CDC25B: variants seen among roughly 807,000 people sequenced by gnomAD.
CDC25B encodes the protein cell division cycle 25B, also known as M-phase inducer phosphatase 2.
Under a neutral mutation model 69.8 loss-of-function variants are expected in CDC25B, and 33 were observed. That is an observed-to-expected ratio of 0.47 (90% confidence interval 0.36 to 0.63). CDC25B has a LOEUF of 0.63. CDC25B is among the 30% of genes least tolerant of loss of function. CDC25B has a pLI of 0.00. For missense variants in CDC25B, 727 were observed against 809.1 expected, an observed-to-expected ratio of 0.90 and a Z score of 1.23; for synonymous variants, 341 against 314.6, an observed-to-expected ratio of 1.08 and a Z score of -0.89.
chr20:3,791,090 G>C (rs2088907887), intron 1 of CDC25B, among the ~76,000 whole-genome samples: 1 of 152,120 alleles, frequency 6.6e-6, no homozygotes, highest in African/African-American at 2.4e-5. Flanking sequence ...TACCAAGCAG[G>C]CATCCCCACC....
At chr20:3,792,529 A>G (rs2088932436), upstream of CDC25B, among the ~76,000 whole-genome samples, 1 of 151,942 alleles carries the variant, frequency 6.6e-6, no homozygotes, top group Admixed American at 6.6e-5. Flanking sequence ...GTGCAATGGC[A>G]TGATCTAGGC....
intron 7 of CDC25B, 30 bp downstream of exon 7, chr20:3,801,123 G>A (rs2089267798): frequency 6.2e-7 from 1 of 1,611,256 alleles, no homozygotes; most frequent in African/African-American, 1.3e-5. Flanking sequence ...CCCTGGGAGG[G>A]GCCTGGGGAG....
intron 1 of CDC25B, among the ~76,000 whole-genome samples, chr20:3,791,110 G>A (rs2088908631): frequency 2.0e-5 from 3 of 152,150 alleles, no homozygotes; most frequent in African/African-American, 7.2e-5. Context: ...CTGACTGCCC[G>A]TTCTCCTTAA....
intron 1 of CDC25B, 22 bp from the exon 2 acceptor site, chr20:3,797,600 C>T (rs747545009): frequency 3.1e-6 from 5 of 1,613,432 alleles, no homozygotes; most frequent in East Asian, 2.2e-5. Flanking sequence ...TCTCCTTTCC[C>T]GGGTCCCTGT....
In CDC25B at chr20:3,803,013, G is replaced by C; in HGVS notation, c.1257+41G>C. 6.2e-7 allele frequency: 1 copy of C among 1,603,088 alleles called. No individual in the cohort carries two copies. The highest frequency in any genetic ancestry group is 1.3e-5 in the African/African-American group (1 of 74,806). On this transcript the variant is annotated intron_variant, in intron 12 of 15. Coordinates refer to ENST00000245960, the MANE Select transcript of CDC25B (RefSeq NM_021873.4). The surrounding 1 kb of genome is among the most constrained non-coding windows in gnomAD (Gnocchi z 4.9). ...TCATTTTCTAGGCAGATTTGGGACT[G>C]TAGCTCCATTGTTGACCTTCCCTGG...
intron 1 of CDC25B, 86 bp from the exon 2 acceptor site, chr20:3,797,536 C>A: frequency 2.0e-6 from 3 of 1,523,380 alleles, no homozygotes; most frequent in Non-Finnish European, 2.7e-6. Context: ...GTTCTTTTCT[C>A]AGCAAGGGAG....
rs1012481606 is a variant in CDC25B, at chr20:3,802,166, T to C, written c.1098+66T>C. 9 of 1,542,426 alleles carry C rather than the reference T, an allele frequency of 5.8e-6. No homozygotes were observed. The African/African-American group carries it at 1.1e-4, about 19-fold the overall frequency. On this transcript the variant is annotated intron_variant, in intron 10 of 15. Coordinates refer to ENST00000245960, the MANE Select transcript of CDC25B (RefSeq NM_021873.4). ...GGGCAGCCACCCCCTTGGCTAAGTT[T>C]GTGGCAGAGGGCAGGTGGCAGCCTG... is the stretch of plus-strand genomic sequence containing the variant.
In CDC25B at chr20:3,804,615, A is replaced by T. The variant is rs1429736603; in HGVS notation, c.1537A>T (p.Ser513Cys). Residue 513 changes from serine (S) to cysteine (C), a missense_variant, in exon 15 of 16, where the codon AGC (serine) becomes TGC (cysteine). Coordinates refer to ENST00000245960, the MANE Select transcript of CDC25B (RefSeq NM_021873.4). ...ERDRAVNDYP[S>C]LYYPEMYILK... ...AGACCGTGCTGTCAACGACTACCCC[A>T]GCCTCTACTACCCTGAGATGTATAT... The T allele has an allele frequency of 6.2e-7, 1 of 1,613,986 alleles. No individual in the cohort carries two copies. Among genetic ancestry groups the T allele is most frequent in the Non-Finnish European group, 8.5e-7 (1 of 1,179,958 alleles).
chr20:3,788,801 C>T (rs2088867288), intron 1 of CDC25B, among the ~76,000 whole-genome samples: 1 of 150,764 alleles, frequency 6.6e-6, no homozygotes, highest in Non-Finnish European at 1.5e-5. Flanking sequence ...TCCTTCCTTT[C>T]CTTCTTTCTT....
upstream of CDC25B, chr20:3,796,304 G>C (rs1205052321): frequency 1.0e-5 from 14 of 1,363,086 alleles, no homozygotes; most frequent in Non-Finnish European, 1.3e-5. Context: ...AGTGGCAGCT[G>C]CAACTAGAGG....
Position 3,804,624 on chromosome 20 carries a change from T to C in CDC25B, c.1546T>C (p.Tyr516His). ...RAVNDYPSLY[Y>H]PEMYILKGGY... is the part of the protein sequence containing the mutation. ...TGTCAACGACTACCCCAGCCTCTACTACCCTGAGATGTATATCCTGAAAGG... is the reference window on the plus strand; with the variant it reads ...TGTCAACGACTACCCCAGCCTCTACCACCCTGAGATGTATATCCTGAAAGG... The change falls in exon 15 of 16, where the codon TAC becomes CAC. Residue 516 changes from tyrosine (Y) to histidine (H), a missense_variant. Tyr to His is a moderately conservative substitution (Grantham distance 83). This residue lies in a region of CDC25B where 359 missense variants were observed against 463.4 expected (regional missense o/e 0.77). Coordinates refer to ENST00000245960, the MANE Select transcript of CDC25B (RefSeq NM_021873.4). 6.2e-7 allele frequency: 1 copy of C among 1,614,084 alleles called. No homozygotes were observed.
At chr20:3,798,321 T>G (rs1446596721) in intron 2 of CDC25B, 91 bp from the exon 3 acceptor site, 59 of 454,564 alleles carry the variant, frequency 1.3e-4, no homozygotes, top group South Asian at 2.4e-4. Flanking sequence ...AACTGTTTTT[T>G]TTTTTTTTTT....
In CDC25B at chr20:3,805,127, T is replaced by C. The variant is rs555346175; in HGVS notation, c.*166T>C. 19 of 688,146 alleles carry C rather than the reference T, an allele frequency of 2.8e-5. No homozygotes were observed. Among genetic ancestry groups the C allele is most frequent in the African/African-American group, 2.7e-4 (15 of 55,590 alleles). The allele number at this position is 688,146 out of a possible 1,614,324, so 42.6% of individuals were successfully genotyped here. On this transcript the variant is annotated 3_prime_UTR_variant, in exon 16 of 16. Transcript: ENST00000245960. ...CCCCAGCCCAGATTCCCCTGTGTCA[T>C]CCCATCATTTTCCATATCCTGGTGC...
At position 3,803,262 on chromosome 20, in the gene CDC25B, C is replaced by A. The variant is rs1419428539; in HGVS notation, c.1356+56C>A. 6.3e-7 allele frequency: 1 copy of A among 1,575,602 alleles called. No individual in the cohort carries two copies. On this transcript the variant is annotated intron_variant, in intron 13 of 15. Coordinates refer to ENST00000245960, the MANE Select transcript of CDC25B (RefSeq NM_021873.4). This position sits in a 1 kb window ranked among gnomAD's most constrained non-coding sequence, Gnocchi z 4.9. Reference sequence around the variant, plus strand: ...AGATCCCACCTGGTTTAGGTCCTTGCTTTGCCAAGAGGGTGAATGGGTGGA... The same window carrying A: ...AGATCCCACCTGGTTTAGGTCCTTGATTTGCCAAGAGGGTGAATGGGTGGA...
At chr20:3,800,024 G>C (rs1217153361) in intron 3 of CDC25B, among the ~76,000 whole-genome samples, 8 of 152,254 alleles carry the variant, frequency 5.3e-5, no homozygotes. Context: ...ACCCTGACCT[G>C]CCCCAGCTGT....
At position 3,801,580 on chromosome 20, in the gene CDC25B, G is replaced by A. The variant is rs1332098500; in HGVS notation, c.841-142G>A. The A allele has an allele frequency of 2.3e-5, 23 of 1,008,162 alleles. No homozygotes were observed. The East Asian group carries it at 4.7e-4, about 20-fold the overall frequency. 62.5% of individuals were successfully genotyped at this position (1,008,162 alleles called of 1,614,324 possible). A position where few individuals can be genotyped will look rare whatever the true frequency, so the allele number is the denominator to read the frequency against. On this transcript the variant is annotated intron_variant, in intron 8 of 15. Coordinates refer to ENST00000245960, the MANE Select transcript of CDC25B (RefSeq NM_021873.4). ...GGTGGCTGGTGCCACAGTGGAGGGC[G>A]GTTTGGGAGGTAGGGGAGCTTCTCA...
chr20:3,788,162 G>GAAA (rs1241805458), intron 1 of CDC25B, among the ~76,000 whole-genome samples: 1 of 151,450 alleles, frequency 6.6e-6, no homozygotes, highest in Non-Finnish European at 1.5e-5. Flanking sequence ...AAGAAAGAAA[G>GAAA]AACCAAATAG....
At chr20:3,801,154 G>C (rs1336734315) in intron 7 of CDC25B, 61 bp downstream of exon 7, 1 of 1,608,120 alleles carries the variant, frequency 6.2e-7, no homozygotes, top group South Asian at 1.1e-5. Context: ...AGAAGAGGAG[G>C]GTGGCCCTGA....
At chr20:3,801,498 A>G in intron 8 of CDC25B, 110 bp downstream of exon 8, 1 of 1,358,904 alleles carries the variant, frequency 7.4e-7, no homozygotes, top group Non-Finnish European at 1.0e-6. Flanking sequence ...CAGTGTCAGA[A>G]GAAGAATCTG....
Sources: gnomAD v4.1 joint callset for allele counts (sites outside exome capture counted in the v4.1 genomes callset) on GRCh38, gnomAD v4.1.1 for gene constraint, gnomAD v4.1.1 regional missense constraint, Gnocchi (gnomAD v3.1) non-coding constraint, MANE v1.5 for transcripts, NCBI Gene and HGNC (gene_info 2026-07-23, HGNC 2026-07-21) for gene names.